Variants in SLIT3 observed in about 807,000 individuals in gnomAD.
SLIT3 encodes slit homolog 3 protein.
SLIT3 carries 68 observed loss-of-function variants against 184.0 expected under a neutral mutation model. That is an observed-to-expected ratio of 0.37 (90% CI 0.30 to 0.45). The LOEUF is 0.45. Ranked by LOEUF, SLIT3 falls within the 20% of genes least tolerant of loss-of-function variation. SLIT3 has a pLI of 1.00. For synonymous variants in SLIT3, 831 were observed against 828.6 expected (o/e 1.00, Z -0.05); for missense variants, 1,707 against 2,026.0 (o/e 0.84, Z 3.02).
intron 4 of SLIT3, among the ~76,000 whole-genome samples, chr5:168,974,185 T>C (rs113376313): frequency 9.8e-4 from 149 of 152,334 alleles, no homozygotes; most frequent in African/African-American, 3.1e-3. Context: ...ACAACTACTT[T>C]GCAGCGTTGT....
At chr5:169,251,990 C>T (rs1393405778) in intron 1 of SLIT3, among the ~76,000 whole-genome samples, 1 of 152,210 alleles carries the variant, frequency 6.6e-6, no homozygotes, top group Non-Finnish European at 1.5e-5. Context: ...TGTCCAGACT[C>T]ACTCATGCCT....
chr5:169,238,660 CATT>C (rs1371107139), intron 3 of SLIT3, among the ~76,000 whole-genome samples: 3 of 147,940 alleles, frequency 2.0e-5, no homozygotes, highest in African/African-American at 5.0e-5. Context: ...TGAATTCTAA[CATT>C]ATACTTCTCA....
intron 4 of SLIT3, among the ~76,000 whole-genome samples, chr5:168,914,734 A>G (rs931626000): frequency 3.3e-5 from 5 of 151,786 alleles, no homozygotes; most frequent in African/African-American, 1.2e-4. Flanking sequence ...AATTTATGAC[A>G]TAGGTGATTG....
intron 4 of SLIT3, among the ~76,000 whole-genome samples, chr5:169,177,538 T>C (rs1017386953): frequency 3.3e-5 from 5 of 152,048 alleles, no homozygotes; most frequent in African/African-American, 1.2e-4. Flanking sequence ...GAGTTATATA[T>C]AGTAGGTAAG....
chr5:168,881,386 T>C (rs566611529), intron 5 of SLIT3, among the ~76,000 whole-genome samples: 1 of 152,350 alleles, frequency 6.6e-6, no homozygotes, highest in African/African-American at 2.4e-5. Context: ...TTCACTTTCT[T>C]AACAATCAAA....
chr5:169,199,808 TATC>T (rs1195882476), intron 3 of SLIT3, among the ~76,000 whole-genome samples: 1 of 152,178 alleles, frequency 6.6e-6, no homozygotes, highest in Non-Finnish European at 1.5e-5. Flanking sequence ...TAAACTGTCT[TATC>T]ATCTAAGTTT....
intron 3 of SLIT3, among the ~76,000 whole-genome samples, chr5:169,206,712 C>G (rs1445358288): frequency 6.6e-6 from 1 of 152,154 alleles, no homozygotes; most frequent in Non-Finnish European, 1.5e-5. Context: ...GTGTGCCTCT[C>G]TGTGTGTTTA....
intron 4 of SLIT3, among the ~76,000 whole-genome samples, chr5:169,099,307 G>C (rs545314349): frequency 2.0e-5 from 3 of 152,128 alleles, no homozygotes; most frequent in Non-Finnish European, 2.9e-5. Flanking sequence ...TGGCAGGATG[G>C]TCTCAGGGTA....
At chr5:168,681,085 G>A (rs912702517) in intron 32 of SLIT3, among the ~76,000 whole-genome samples, 4 of 152,338 alleles carry the variant, frequency 2.6e-5, no homozygotes, top group Middle Eastern at 6.8e-3. Context: ...GGAGGTGGAG[G>A]TTGCAGGGAG....
chr5:168,820,660 G>T (rs1276266922), intron 7 of SLIT3, among the ~76,000 whole-genome samples: 1 of 152,212 alleles, frequency 6.6e-6, no homozygotes, highest in African/African-American at 2.4e-5. Context: ...AGGTGGCTAG[G>T]TGGGTCCTGC....
intron 4 of SLIT3, among the ~76,000 whole-genome samples, chr5:169,007,350 T>A (rs1397331071): frequency 2.0e-5 from 3 of 152,234 alleles, no homozygotes; most frequent in Non-Finnish European, 4.4e-5. Context: ...TTGGATGTTT[T>A]CCTAGTCTGT....
intron 10 of SLIT3, chr5:168,791,414 T>A (rs1334351164): frequency 6.6e-6 from 1 of 152,254 alleles, no homozygotes; most frequent in African/African-American, 2.4e-5. Flanking sequence ...AGAGTGGGAA[T>A]TGGAGAAGTG....
rs761095531 is a variant in SLIT3 at position 168,707,982 on chromosome 5, G to A, written c.2838C>T (p.Ser946=). ...VELYRCACPY[S]YKGKDCTVPI... ...GGCAGGGCCTCCAGCATACCTTGTAGCTGTAGGGGCAGGCACAGCGGTACA... is the reference window on the plus strand; with the variant it reads ...GGCAGGGCCTCCAGCATACCTTGTAACTGTAGGGGCAGGCACAGCGGTACA... The change falls in exon 26 of 36, where the codon AGC becomes AGT. Residue 946 remains serine (S), a synonymous_variant. Transcript: ENST00000519560. 6.2e-7 allele frequency: 1 copy of A among 1,614,176 alleles called. No individual in the cohort carries two copies. Among genetic ancestry groups the A allele is most frequent in the Non-Finnish European group, 8.5e-7 (1 of 1,180,020 alleles).
At chr5:169,233,186 C>A (rs1036181270) in intron 3 of SLIT3, among the ~76,000 whole-genome samples, 1 of 152,118 alleles carries the variant, frequency 6.6e-6, no homozygotes, top group Non-Finnish European at 1.5e-5. Context: ...CCACCACGCC[C>A]AGCTAATTTT....
At chr5:169,067,176 G>C (rs1241337442) in intron 4 of SLIT3, among the ~76,000 whole-genome samples, 1 of 152,152 alleles carries the variant, frequency 6.6e-6, no homozygotes, top group Non-Finnish European at 1.5e-5. Flanking sequence ...TTGGGAGGCT[G>C]AGGTGGGTGG....
chr5:168,978,999 C>T (rs543304125), intron 4 of SLIT3, among the ~76,000 whole-genome samples: 35 of 152,258 alleles, frequency 2.3e-4, no homozygotes, highest in Admixed American at 2.0e-3. Context: ...GATGTGTGCA[C>T]TGCAGACCAG....
At chr5:169,116,297 C>T (rs1581425628) in intron 4 of SLIT3, among the ~76,000 whole-genome samples, 1 of 152,268 alleles carries the variant, frequency 6.6e-6, no homozygotes, top group East Asian at 1.9e-4. Flanking sequence ...CCCAAGAGCT[C>T]AATGGTCTGG....
chr5:169,052,031 C>G (rs902027913), intron 4 of SLIT3, among the ~76,000 whole-genome samples: 6 of 152,146 alleles, frequency 3.9e-5, no homozygotes, highest in African/African-American at 1.4e-4. Context: ...GTTACAATAA[C>G]CGGACATCCC....
chr5:168,991,720 C>T (rs1390967204), intron 4 of SLIT3, among the ~76,000 whole-genome samples: 2 of 152,234 alleles, frequency 1.3e-5, no homozygotes, highest in East Asian at 3.9e-4. Flanking sequence ...CAATTGTTTT[C>T]AAAGGCCTAC....
Sources: allele counts gnomAD v4.1 joint callset (sites outside exome capture counted in the v4.1 genomes callset), GRCh38; gene constraint gnomAD v4.1.1; transcripts MANE v1.5; gene names NCBI Gene and HGNC (gene_info 2026-07-23, HGNC 2026-07-21).